Variants in MTSS1 observed in about 807,000 individuals in gnomAD.
MTSS1 encodes the protein MTSS I-BAR domain containing 1, also known as protein MTSS 1.
In MTSS1, 18 loss-of-function variants were observed where a neutral mutation model predicts 79.0. The ratio of observed to expected loss-of-function variants is 0.23; its 90% CI spans 0.16 to 0.34. The LOEUF is 0.34. Ranked by LOEUF, MTSS1 falls within the 10% of genes least tolerant of loss-of-function variation. The probability of loss-of-function intolerance (pLI) is 1.00; values close to 1 mark genes in which losing one functional copy is unlikely to be tolerated. For synonymous variants in MTSS1, 341 were observed against 368.6 expected, an observed-to-expected ratio of 0.93 and a Z score of 0.86; for missense variants, 815 against 986.2, an observed-to-expected ratio of 0.83 and a Z score of 2.33.
Position 124,716,665 on chromosome 8 carries a change from C to T in MTSS1, c.72+11219G>A, listed in dbSNP as rs1256282327. ...TGCATTTTAACCCATTCTCCAGGGA[C>T]ACTTTTGCTCATTAAAAATTACACA... On this transcript the variant is annotated intron_variant, in intron 1 of 13. Coordinates refer to ENST00000518547, the MANE Select transcript of MTSS1 (RefSeq NM_014751.6). 2.6e-5 allele frequency among the ~76,000 whole-genome samples: 4 copies of T among 152,296 alleles called. No individual in the cohort carries two copies. In the East Asian group the frequency reaches 5.8e-4, roughly 22 times the overall value.
At chr8:124,587,631 T>C (rs1831096822) in intron 5 of MTSS1, among the ~76,000 whole-genome samples, 1 of 152,208 alleles carries the variant, frequency 6.6e-6, no homozygotes, top group South Asian at 2.1e-4. Flanking sequence ...CCCGAGTAGC[T>C]GGGATTACAG....
intron 1 of MTSS1, among the ~76,000 whole-genome samples, chr8:124,709,114 A>G (rs1310194699): frequency 6.6e-6 from 1 of 152,148 alleles, no homozygotes; most frequent in Non-Finnish European, 1.5e-5. Context: ...GGTAACTAGA[A>G]AGATTGAAAG....
chr8:124,576,356 C>G (rs959947984), intron 6 of MTSS1, among the ~76,000 whole-genome samples: 5 of 152,136 alleles, frequency 3.3e-5, no homozygotes, highest in Non-Finnish European at 7.4e-5. Flanking sequence ...TGGCTGGTGA[C>G]TGAATTTGGG....
At position 124,696,989 on chromosome 8, in the gene MTSS1, T is replaced by C. The variant is rs375650527; in HGVS notation, c.208+2537A>G. Among the ~76,000 whole-genome samples, 11 of 152,342 alleles carry C rather than the reference T, an allele frequency of 7.2e-5. 1 individual carries two copies. Among genetic ancestry groups the C allele is most frequent in the Admixed American group, 3.9e-4 (6 of 15,302 alleles). ...GCAGTGAGGCTCTTTGGTTTCTTTT[T>C]GCACAAATAATGGCTGTTTTTCTTC... On this transcript the variant is annotated intron_variant, in intron 3 of 13. Coordinates refer to ENST00000518547, the MANE Select transcript of MTSS1 (RefSeq NM_014751.6).
intron 3 of MTSS1, among the ~76,000 whole-genome samples, chr8:124,641,785 C>T (rs530406693): frequency 1.1e-4 from 17 of 152,174 alleles, no homozygotes; most frequent in Non-Finnish European, 2.4e-4. Flanking sequence ...TCTAATTTTA[C>T]CAATAAGCAT....
At chr8:124,688,369 T>C (rs1411554106) in intron 3 of MTSS1, among the ~76,000 whole-genome samples, 3 of 151,868 alleles carry the variant, frequency 2.0e-5, no homozygotes, top group African/African-American at 7.3e-5. Context: ...TGTACGTGTG[T>C]ACATGTGTAT....
chr8:124,559,199 G>A (rs941446570), intron 10 of MTSS1, among the ~76,000 whole-genome samples: 1 of 152,222 alleles, frequency 6.6e-6, no homozygotes, highest in Non-Finnish European at 1.5e-5. Flanking sequence ...GCTCTCTTGG[G>A]TGTTTCTTCA....
intron 1 of MTSS1, among the ~76,000 whole-genome samples, chr8:124,709,426 T>C (rs988058889): frequency 5.3e-5 from 8 of 152,072 alleles, no homozygotes; most frequent in Non-Finnish European, 1.2e-4. Context: ...TGAGAACACA[T>C]AAAGGCTTCA....
chr8:124,708,091 T>C (rs1830649373), intron 1 of MTSS1, among the ~76,000 whole-genome samples: 1 of 152,158 alleles, frequency 6.6e-6, no homozygotes, highest in African/African-American at 2.4e-5. Context: ...CCATCAATTA[T>C]TGAACATTGA....
chr8:124,720,032 G>A (rs994034903), intron 1 of MTSS1, among the ~76,000 whole-genome samples: 2 of 152,208 alleles, frequency 1.3e-5, no homozygotes, highest in Non-Finnish European at 2.9e-5. Context: ...ATCAATACTA[G>A]GTAGAATGTC....
At chr8:124,706,845 C>T (rs752600343) in intron 1 of MTSS1, among the ~76,000 whole-genome samples, 2 of 152,160 alleles carry the variant, frequency 1.3e-5, no homozygotes, top group African/African-American at 4.8e-5. Flanking sequence ...TTATGACACC[C>T]AACATACATA....
At chr8:124,638,432 T>G (rs1817425365) in intron 3 of MTSS1, among the ~76,000 whole-genome samples, 1 of 152,308 alleles carries the variant, frequency 6.6e-6, no homozygotes, top group East Asian at 1.9e-4. Flanking sequence ...GAAGCCCACA[T>G]CATCCTAAAA....
chr8:124,696,478 T>C (rs1587856009), intron 3 of MTSS1, among the ~76,000 whole-genome samples: 1 of 152,214 alleles, frequency 6.6e-6, no homozygotes, highest in African/African-American at 2.4e-5. Flanking sequence ...CCACATTCAA[T>C]GAAAATAGTA....
chr8:124,575,975 C>A (rs1828895218), intron 6 of MTSS1, among the ~76,000 whole-genome samples: 1 of 152,176 alleles, frequency 6.6e-6, no homozygotes, highest in Non-Finnish European at 1.5e-5. Context: ...CTTGAATCCA[C>A]CTGTCTTCCT....
intron 3 of MTSS1, among the ~76,000 whole-genome samples, chr8:124,651,092 C>T (rs1217111411): frequency 6.6e-6 from 1 of 152,230 alleles, no homozygotes; most frequent in East Asian, 1.9e-4. Context: ...ATCAAATCTA[C>T]CTGACTTCCA....
At chr8:124,573,075 T>G in intron 6 of MTSS1, among the ~76,000 whole-genome samples, 1 of 152,190 alleles carries the variant, frequency 6.6e-6, no homozygotes. Flanking sequence ...GCAAATATTC[T>G]CACTGCTTTT....
chr8:124,652,240 C>G (rs562091169), intron 3 of MTSS1, among the ~76,000 whole-genome samples: 1 of 152,270 alleles, frequency 6.6e-6, no homozygotes, highest in African/African-American at 2.4e-5. Context: ...ATGGCACAAT[C>G]TTGGCTCACT....
chr8:124,683,463 G>A lies in MTSS1; in HGVS notation c.208+16063C>T, dbSNP rs1311052811. ...CATGCAAGGATCCAAACCTAGTAGG[G>A]AATTTCCAAGAGTGCCAGCTTCTCT... On this transcript the variant is annotated intron_variant, in intron 3 of 13. Transcript: ENST00000518547. This position sits in a 1 kb window ranked among gnomAD's most constrained non-coding sequence, Gnocchi z 4.5. Among the ~76,000 whole-genome samples the A allele has an allele frequency of 6.6e-6, 1 of 152,178 alleles. No homozygotes were observed. Among genetic ancestry groups the A allele is most frequent in the Non-Finnish European group, 1.5e-5 (1 of 68,036 alleles).
chr8:124,712,457 G>A (rs1055966407), intron 1 of MTSS1, among the ~76,000 whole-genome samples: 2 of 152,174 alleles, frequency 1.3e-5, no homozygotes, highest in African/African-American at 4.8e-5. Flanking sequence ...CAAGCATGAG[G>A]CAAGAATCCG....
Sources: gnomAD v4.1 joint callset for allele counts (sites outside exome capture counted in the v4.1 genomes callset) on GRCh38, gnomAD v4.1.1 for gene constraint, Gnocchi (gnomAD v3.1) non-coding constraint, MANE v1.5 for transcripts, NCBI Gene and HGNC (gene_info 2026-07-23, HGNC 2026-07-21) for gene names.